The following CTNNA2 variants were observed in gnomAD, a reference collection of about 807,000 sequenced individuals.
The protein encoded by CTNNA2 is catenin alpha 2, also known as catenin alpha-2.
CTNNA2 carries 42 observed loss-of-function variants against 101.0 expected under a neutral mutation model. The ratio of observed to expected loss-of-function variants is 0.42; its 90% CI spans 0.32 to 0.54. The LOEUF (loss-of-function observed/expected upper bound fraction) is 0.54. Among genes scored for constraint, CTNNA2 ranks in the 20% least tolerant of loss-of-function variants. CTNNA2 has a pLI of 0.14. For missense variants in CTNNA2, 871 were observed against 1,223.1 expected, an observed-to-expected ratio of 0.71 and a Z score of 4.29; for synonymous variants, 450 against 456.4, an observed-to-expected ratio of 0.99 and a Z score of 0.18.
At chr2:79,541,057 T>G (rs1159016103) in intron 1 of CTNNA2, among the ~76,000 whole-genome samples, 2 of 152,144 alleles carry the variant, frequency 1.3e-5, no homozygotes, top group Admixed American at 1.3e-4. Context: ...CCATGAGACA[T>G]GTCCTGAAAA....
chr2:80,301,545 G>A (rs1258629075), intron 7 of CTNNA2, among the ~76,000 whole-genome samples: 5 of 152,224 alleles, frequency 3.3e-5, no homozygotes, highest in Non-Finnish European at 1.5e-5. Context: ...AATGCTCTCT[G>A]CTTTAAAGGC....
At chr2:80,335,075 A>G (rs954009201) in intron 7 of CTNNA2, among the ~76,000 whole-genome samples, 1 of 152,250 alleles carries the variant, frequency 6.6e-6, no homozygotes, top group Non-Finnish European at 1.5e-5. Flanking sequence ...GATGCTTTGC[A>G]TATAAGGTTC....
intron 2 of CTNNA2, among the ~76,000 whole-genome samples, chr2:79,730,073 A>G (rs1286802786): frequency 6.6e-6 from 1 of 152,114 alleles, no homozygotes; most frequent in Non-Finnish European, 1.5e-5. Flanking sequence ...AAATGAGACA[A>G]ATATGTGCTG....
chr2:80,342,008 C>T (rs1672293422), intron 7 of CTNNA2, among the ~76,000 whole-genome samples: 1 of 152,176 alleles, frequency 6.6e-6, no homozygotes, highest in Admixed American at 6.5e-5. Context: ...GGAAGATAGT[C>T]ACAAAAGACT....
In CTNNA2 at chr2:80,098,334, C is replaced by T. The variant is rs562839334; in HGVS notation, c.1056+188537C>T. ...TGCAGAACAGCGGATATTGGTGAAC[C>T]GCAAATGCTGCTGCCTGATCGTTCC... On this transcript the variant is annotated intron_variant, in intron 7 of 18. Coordinates refer to ENST00000402739, the MANE Select transcript of CTNNA2 (RefSeq NM_001282597.3). Among the ~76,000 whole-genome samples, 415 of 152,148 alleles carry T rather than the reference C, an allele frequency of 2.7e-3. 1 individual carries two copies. Among genetic ancestry groups the T allele is most frequent in the Non-Finnish European group, 4.5e-3 (309 of 68,006 alleles).
At chr2:80,278,568 A>C (rs1351168904) in intron 7 of CTNNA2, among the ~76,000 whole-genome samples, 5 of 152,128 alleles carry the variant, frequency 3.3e-5, no homozygotes, top group Non-Finnish European at 7.4e-5. Context: ...ATCCTGCTGC[A>C]CAAGTGTTTT....
At chr2:80,507,061 C>G (rs1299536350) in intron 9 of CTNNA2, among the ~76,000 whole-genome samples, 1 of 152,156 alleles carries the variant, frequency 6.6e-6, no homozygotes, top group Non-Finnish European at 1.5e-5. Flanking sequence ...CTGAAACTTG[C>G]ATTTCTCAGA....
intron 4 of CTNNA2, among the ~76,000 whole-genome samples, chr2:79,443,902 TA>T (rs1678802618): frequency 1.2e-5 from 1 of 83,866 alleles, no homozygotes; most frequent in Admixed American, 1.3e-4. Flanking sequence ...TTTGTATACA[TA>T]CTCTCTCTCT....
chr2:79,430,468 G>T (rs1678647984), intron 4 of CTNNA2, among the ~76,000 whole-genome samples: 1 of 152,086 alleles, frequency 6.6e-6, no homozygotes, highest in Admixed American at 6.6e-5. Context: ...CTAATGGTTT[G>T]AGTTGAAGGC....
chr2:79,948,144 A>G (rs997924670), intron 7 of CTNNA2, among the ~76,000 whole-genome samples: 8 of 152,188 alleles, frequency 5.3e-5, no homozygotes, highest in East Asian at 1.9e-4. Context: ...TTCCATAGCC[A>G]TTAAGGAGTT....
intron 7 of CTNNA2, among the ~76,000 whole-genome samples, chr2:80,373,884 T>A (rs1675678193): frequency 6.6e-6 from 1 of 152,108 alleles, no homozygotes; most frequent in Admixed American, 6.5e-5. Context: ...CACAAGAGAT[T>A]TCTGGAGCCT....
chr2:79,498,973 C>T (rs1214775111), intron 4 of CTNNA2: 1 of 152,238 alleles, frequency 6.6e-6, no homozygotes, highest in Admixed American at 6.5e-5. Flanking sequence ...AGTATCTATA[C>T]TGTAGACCTC....
At chr2:80,529,426 T>C (rs1690331559) in intron 9 of CTNNA2, among the ~76,000 whole-genome samples, 2 of 152,206 alleles carry the variant, frequency 1.3e-5, no homozygotes, top group Admixed American at 1.3e-4. Context: ...TATTAAGACA[T>C]TTGAAAGTTA....
chr2:80,434,272 G>A (rs1468736444), intron 9 of CTNNA2, among the ~76,000 whole-genome samples: 14 of 152,048 alleles, frequency 9.2e-5, no homozygotes, highest in South Asian at 2.1e-4. Flanking sequence ...TCTACTTATC[G>A]CTTCTACAAC....
chr2:80,067,965 G>T lies in CTNNA2; in HGVS notation c.1056+158168G>T, dbSNP rs1245755903. Among the ~76,000 whole-genome samples the T allele has an allele frequency of 2.6e-5, 4 of 152,294 alleles. No individual in the cohort carries two copies. In the East Asian group the frequency reaches 7.7e-4, roughly 29 times the overall value. On this transcript the variant is annotated intron_variant, in intron 7 of 18. Coordinates refer to ENST00000402739, the MANE Select transcript of CTNNA2 (RefSeq NM_001282597.3). ...ACATCTTGACCGCAACCTGATGAGG[G>T]ACCCCAGGCCACAACTAGTCAGCTG... is the stretch of plus-strand genomic sequence containing the variant.
At chr2:79,761,652 C>G (rs1364768373) in intron 3 of CTNNA2, among the ~76,000 whole-genome samples, 1 of 152,038 alleles carries the variant, frequency 6.6e-6, no homozygotes, top group African/African-American at 2.4e-5. Context: ...GATGCAGATT[C>G]ATGTGGGAGT....
intron 9 of CTNNA2, among the ~76,000 whole-genome samples, chr2:80,493,696 A>G (rs1187801454): frequency 6.6e-6 from 1 of 152,196 alleles, no homozygotes; most frequent in African/African-American, 2.4e-5. Flanking sequence ...GTCTGTTTGC[A>G]TATCTGTCCT....
chr2:80,288,185 A>C (rs1674936318), intron 7 of CTNNA2, among the ~76,000 whole-genome samples: 2 of 152,134 alleles, frequency 1.3e-5, no homozygotes, highest in Admixed American at 1.3e-4. Flanking sequence ...CGGCCTCCTT[A>C]ACACAGGGAT....
intron 7 of CTNNA2, among the ~76,000 whole-genome samples, chr2:80,216,192 C>T (rs1009495251): frequency 3.9e-5 from 6 of 152,144 alleles, no homozygotes; most frequent in African/African-American, 1.4e-4. Flanking sequence ...AGGGAATTCC[C>T]CGACCCCTTG....
Sources: allele counts gnomAD v4.1 joint callset (sites outside exome capture counted in the v4.1 genomes callset), GRCh38; gene constraint gnomAD v4.1.1; transcripts MANE v1.5; gene names NCBI Gene and HGNC (gene_info 2026-07-23, HGNC 2026-07-21).